Variants in MAML3 observed in about 807,000 individuals in gnomAD.
MAML3 encodes mastermind-like protein 3.
MAML3 carries 27 observed loss-of-function variants against 101.9 expected under a neutral mutation model. The observed-to-expected ratio is 0.27, with a 90% CI of 0.20 to 0.37. MAML3 has a LOEUF of 0.37. Ranked by LOEUF, MAML3 falls within the 10% of genes least tolerant of loss-of-function variation. The pLI, the probability that MAML3 is intolerant of heterozygous loss-of-function variation, is 1.00. For synonymous variants in MAML3, 501 were observed against 555.9 expected (o/e 0.90, Z 1.39); for missense variants, 1,316 against 1,444.9 (o/e 0.91, Z 1.45).
intron 1 of MAML3, among the ~76,000 whole-genome samples, chr4:140,098,465 G>A (rs1234673050): frequency 6.6e-6 from 1 of 152,134 alleles, no homozygotes; most frequent in Non-Finnish European, 1.5e-5. Flanking sequence ...CCTCGTATAC[G>A]CCAGGCTGTG....
intron 1 of MAML3, among the ~76,000 whole-genome samples, chr4:140,077,986 C>A (rs1241185826): frequency 6.6e-6 from 1 of 151,634 alleles, no homozygotes; most frequent in African/African-American, 2.4e-5. Context: ...CCAATGCACT[C>A]CAACCTGGCA....
intron 1 of MAML3, among the ~76,000 whole-genome samples, chr4:140,105,329 G>A (rs1728333924): frequency 6.6e-6 from 1 of 152,198 alleles, no homozygotes; most frequent in South Asian, 2.1e-4. Context: ...TTACCCAGCG[G>A]TGAATCCAGA....
At chr4:139,936,722 A>C (rs1476968834) in intron 1 of MAML3, among the ~76,000 whole-genome samples, 3 of 152,120 alleles carry the variant, frequency 2.0e-5, no homozygotes, top group Admixed American at 1.3e-4. Context: ...AAACAACAAA[A>C]GTTGAAAAAA....
At chr4:139,855,535 T>C (rs1380939113) in intron 2 of MAML3, among the ~76,000 whole-genome samples, 1 of 152,246 alleles carries the variant, frequency 6.6e-6, no homozygotes. Context: ...CTTTGCTTCA[T>C]ATTTCCAAAG....
At chr4:139,815,246 G>C (rs1398848517) in intron 2 of MAML3, among the ~76,000 whole-genome samples, 3 of 152,208 alleles carry the variant, frequency 2.0e-5, no homozygotes, top group Non-Finnish European at 4.4e-5. Context: ...GTAAGATCCT[G>C]AAGTGTACTG....
chr4:140,066,891 A>G (rs1404374827), intron 1 of MAML3, among the ~76,000 whole-genome samples: 1 of 152,310 alleles, frequency 6.6e-6, no homozygotes, highest in East Asian at 1.9e-4. Context: ...TGAACTGCAA[A>G]TCTTTTAGTG....
intron 2 of MAML3, among the ~76,000 whole-genome samples, chr4:139,800,149 T>C (rs1730579162): frequency 6.6e-6 from 1 of 152,074 alleles, no homozygotes; most frequent in Non-Finnish European, 1.5e-5. Context: ...CCTTAACAAC[T>C]CATACTTAGA....
intron 1 of MAML3, among the ~76,000 whole-genome samples, chr4:140,036,633 G>A (rs1482297540): frequency 2.0e-5 from 3 of 152,168 alleles, no homozygotes; most frequent in Non-Finnish European, 4.4e-5. Context: ...GAGAAGAACA[G>A]CTGCCTATTT....
At position 139,901,705 on chromosome 4, in the gene MAML3, C is replaced by A. The variant is rs78519102; in HGVS notation, c.469-10738G>T. ...CAGCTGGAGACTTACACCAACAACA[C>A]AGACCAAAGAATAGGCATGTTAGAA... On this transcript the variant is annotated intron_variant, in intron 1 of 4. Transcript: ENST00000509479. Among the ~76,000 whole-genome samples, 217 of 152,286 alleles carry A rather than the reference C, an allele frequency of 1.4e-3. 2 individuals are homozygous for A. The highest frequency in any genetic ancestry group is 5.0e-3 in the African/African-American group (207 of 41,548).
chr4:139,850,480 G>C (rs1393331187), intron 2 of MAML3, among the ~76,000 whole-genome samples: 1 of 152,074 alleles, frequency 6.6e-6, no homozygotes, highest in Non-Finnish European at 1.5e-5. Context: ...TAGCCCATGA[G>C]ATAAGCTAGG....
chr4:139,890,762 G>T lies in MAML3; in HGVS notation c.674C>A (p.Pro225His), dbSNP rs1244845504. 6.2e-7 allele frequency: 1 copy of T among 1,614,062 alleles called. No homozygotes were observed. Among genetic ancestry groups the T allele is most frequent in the African/African-American group, 1.3e-5 (1 of 75,050 alleles). ...TCCACTGTTCTGCAAGGGCAAAGAAGGTTTCAGGTCAAGTTGGTGAAGAGG... is the reference window on the plus strand; with the variant it reads ...TCCACTGTTCTGCAAGGGCAAAGAATGTTTCAGGTCAAGTTGGTGAAGAGG... The part of the protein sequence containing the change: ...ASPLHQLDLK[P>H]SLPLQNSGTH... The change falls in exon 2 of 5, where the codon CCT (proline) becomes CAT (histidine). Residue 225 changes from proline (P) to histidine (H), a missense_variant. By Grantham distance (77) the Pro-to-His change is moderately conservative (BLOSUM62 -2). Transcript: ENST00000509479. This position sits in a 1 kb window ranked among gnomAD's most constrained non-coding sequence, Gnocchi z 4.1.
chr4:140,054,834 T>A (rs1727326082), intron 1 of MAML3, among the ~76,000 whole-genome samples: 1 of 152,218 alleles, frequency 6.6e-6, no homozygotes, highest in Non-Finnish European at 1.5e-5. Context: ...CCACAAATAC[T>A]GGACAGCTAT....
chr4:139,822,901 T>C (rs1730999309), intron 2 of MAML3, among the ~76,000 whole-genome samples: 1 of 152,242 alleles, frequency 6.6e-6, no homozygotes, highest in African/African-American at 2.4e-5. Flanking sequence ...GAAGAAATAG[T>C]TTGCGTGGTA....
intron 2 of MAML3, among the ~76,000 whole-genome samples, chr4:139,760,105 G>T (rs1348980350): frequency 6.6e-6 from 1 of 152,262 alleles, no homozygotes; most frequent in African/African-American, 2.4e-5. Context: ...GAAGCTGGCT[G>T]AAAGTCTGGT....
intron 1 of MAML3, among the ~76,000 whole-genome samples, chr4:140,152,447 G>C (rs1053716307): frequency 1.3e-5 from 2 of 152,094 alleles, no homozygotes; most frequent in Non-Finnish European, 2.9e-5. Context: ...GACGGGTCTG[G>C]GGAGGCGAGG....
At chr4:140,037,405 G>A (rs563275458) in intron 1 of MAML3, among the ~76,000 whole-genome samples, 1 of 152,306 alleles carries the variant, frequency 6.6e-6, no homozygotes, top group East Asian at 1.9e-4. Context: ...ATAAATTAAT[G>A]CATTAGCTAC....
At chr4:139,749,767 T>C (rs1009446014) in intron 2 of MAML3, among the ~76,000 whole-genome samples, 12 of 152,206 alleles carry the variant, frequency 7.9e-5, no homozygotes, top group African/African-American at 2.4e-4. Flanking sequence ...TCTCACTACA[T>C]AGATGAATAA....
intron 1 of MAML3, among the ~76,000 whole-genome samples, chr4:139,937,411 T>G (rs1046583034): frequency 1.3e-5 from 2 of 151,340 alleles, no homozygotes; most frequent in Non-Finnish European, 2.9e-5. Flanking sequence ...TTTTTTGAGA[T>G]GGAGTCTTGC....
intron 2 of MAML3, among the ~76,000 whole-genome samples, chr4:139,809,318 C>A (rs1277842683): frequency 6.6e-6 from 1 of 152,214 alleles, no homozygotes; most frequent in East Asian, 1.9e-4. Context: ...TCTTTCTTTC[C>A]TTCCCTTCTG....
Sources: allele counts gnomAD v4.1 joint callset (sites outside exome capture counted in the v4.1 genomes callset), GRCh38; gene constraint gnomAD v4.1.1; non-coding constraint Gnocchi (gnomAD v3.1); transcripts MANE v1.5; gene names NCBI Gene and HGNC (gene_info 2026-07-23, HGNC 2026-07-21).